The following MCMBP variants were observed in gnomAD, a reference collection of about 807,000 sequenced individuals.
The protein encoded by MCMBP is mini-chromosome maintenance complex-binding protein.
Under a neutral mutation model 81.3 loss-of-function variants are expected in MCMBP, and 31 were observed. That is an observed-to-expected ratio of 0.38 (90% CI 0.29 to 0.51). MCMBP has a LOEUF of 0.51. Ranked by LOEUF, MCMBP falls within the 20% of genes least tolerant of loss-of-function variation. MCMBP has a pLI of 0.87. For synonymous variants in MCMBP, 267 were observed against 275.9 expected (o/e 0.97, Z 0.32); for missense variants, 645 against 772.1 (o/e 0.84, Z 1.95).
At position 119,849,799 on chromosome 10, in the gene MCMBP, T is replaced by C. The variant is rs184632172; in HGVS notation, c.575-223A>G. ...AAGATCTAAAAATTTTACTTTTTTT[T>C]CCCTTACTGTAAGATATCAACAAAT... On this transcript the variant is annotated intron_variant, in intron 6 of 15. Coordinates refer to ENST00000369077, the MANE Select transcript of MCMBP (RefSeq NM_001256378.2). 2.0e-3 allele frequency among the ~76,000 whole-genome samples: 305 copies of C among 152,338 alleles called. 1 individual carries two copies. The highest frequency in any genetic ancestry group is 3.7e-3 in the Non-Finnish European group (250 of 68,020).
intron 6 of MCMBP, among the ~76,000 whole-genome samples, chr10:119,851,768 A>C (rs1852832497): frequency 6.6e-6 from 1 of 152,218 alleles, no homozygotes; most frequent in African/African-American, 2.4e-5. Flanking sequence ...ATATCTTAGC[A>C]TTAAGAAAAT....
Position 119,840,731 on chromosome 10 carries a change from TAA to T in MCMBP, c.1242+110_1242+111del, listed in dbSNP as rs1453230976. On this transcript the variant is annotated intron_variant, in intron 11 of 15. Coordinates refer to ENST00000369077, the MANE Select transcript of MCMBP (RefSeq NM_001256378.2). ...TAATTTGGCAGGCTTTGTTTCCCCT[TAA>T]ATAAGATCTATTAAAATCTCTAAGT... 1.4e-5 allele frequency: 8 copies of T among 582,870 alleles called. No individual in the cohort carries two copies. In the East Asian group the frequency reaches 2.6e-4, roughly 19 times the overall value. The allele number at this position is 582,870 out of a possible 1,614,324, so 36.1% of individuals were successfully genotyped here. A position where few individuals can be genotyped will look rare whatever the true frequency, so the allele number is the denominator to read the frequency against.
At chr10:119,846,326 G>A (rs1162912271) in intron 8 of MCMBP, among the ~76,000 whole-genome samples, 2 of 152,056 alleles carry the variant, frequency 1.3e-5, no homozygotes, top group Admixed American at 6.5e-5. Context: ...CTAAATATAA[G>A]TAAATACATT....
chr10:119,865,731 G>C (rs1037808548), intron 1 of MCMBP, among the ~76,000 whole-genome samples: 1 of 152,004 alleles, frequency 6.6e-6, no homozygotes, highest in African/African-American at 2.4e-5. Context: ...CAAATATATG[G>C]ATAAACAAAA....
At chr10:119,837,898 G>A (rs1030017252) in intron 12 of MCMBP, among the ~76,000 whole-genome samples, 6 of 152,262 alleles carry the variant, frequency 3.9e-5, no homozygotes, top group Admixed American at 1.3e-4. Context: ...TGGGGCAGGT[G>A]CAGTGGCTCA....
rs750695632 is a variant in MCMBP at position 119,849,588 on chromosome 10, G to T, written c.575-12C>A. ...ACCACCAACACTCCCTAAATTCAAA[G>T]GATAGCATTGCACTTAGTCATTTCT... On this transcript the variant is annotated splice_polypyrimidine_tract_variant and intron_variant, in intron 6 of 15. Transcript: ENST00000369077. 2 of 1,564,006 alleles carry T rather than the reference G, an allele frequency of 1.3e-6. No homozygotes were observed. Among genetic ancestry groups the T allele is most frequent in the South Asian group, 1.2e-5 (1 of 82,228 alleles).
At chr10:119,842,896 G>A (rs1345948507) in intron 9 of MCMBP, 9 of 372,690 alleles carry the variant, frequency 2.4e-5, no homozygotes, top group African/African-American at 1.5e-4. Context: ...TGGGATTACA[G>A]GCACACGCCA....
intron 4 of MCMBP, 52 bp downstream of exon 4, chr10:119,858,831 GT>G: frequency 7.5e-7 from 1 of 1,329,002 alleles, no homozygotes; most frequent in African/African-American, 1.5e-5. Context: ...CAAATTCTCT[GT>G]TTAGGAAAAA....
At chr10:119,850,917 C>A (rs1029306148) in intron 6 of MCMBP, among the ~76,000 whole-genome samples, 16 of 147,162 alleles carry the variant, frequency 1.1e-4, no homozygotes, top group Admixed American at 4.7e-4. Flanking sequence ...CCCTGTCACC[C>A]AGGCTGGAGC....
rs775854229 is a variant in MCMBP, at chr10:119,859,841, C to T, written c.102G>A (p.Glu34=). 3 of 1,613,294 alleles carry T rather than the reference C, an allele frequency of 1.9e-6. No individual in the cohort carries two copies. The highest frequency in any genetic ancestry group is 2.2e-5 in the South Asian group (2 of 91,030). The change falls in exon 2 of 16, where the codon GAG becomes GAA. Residue 34 remains glutamate, a synonymous_variant. Transcript: ENST00000369077. ...TTTCCTTCAGCTTTTCCTTAAAATA[C>T]TCAATTACTTTCTTCTCCCAGTCAG... ...VNPDWEKKVI[E]YFKEKLKENN... is the part of the protein sequence containing the mutation.
intron 6 of MCMBP, among the ~76,000 whole-genome samples, chr10:119,850,747 T>TA (rs367627623): frequency 0.92 from 108,856 of 118,072 alleles, 50,294 homozygotes; most frequent in Admixed American, 0.95. Flanking sequence ...AGACTCCGTC[T>TA]AAAAAAAAAA....
intron 8 of MCMBP, among the ~76,000 whole-genome samples, chr10:119,846,878 G>C (rs979837826): frequency 1.3e-5 from 2 of 150,554 alleles, no homozygotes; most frequent in African/African-American, 4.9e-5. Context: ...CCAGCCTCCA[G>C]AACTACTGGA....
chr10:119,837,708 C>T (rs545206434), intron 12 of MCMBP, among the ~76,000 whole-genome samples: 32 of 152,054 alleles, frequency 2.1e-4, no homozygotes, highest in African/African-American at 4.3e-4. Context: ...GGTGTGAACC[C>T]GGGAGTTGGA....
intron 1 of MCMBP, among the ~76,000 whole-genome samples, chr10:119,866,537 A>T (rs1853462339): frequency 6.6e-6 from 1 of 152,084 alleles, no homozygotes; most frequent in African/African-American, 2.4e-5. Context: ...GAGGCAAGAG[A>T]ATCGCTTGAA....
intron 2 of MCMBP, among the ~76,000 whole-genome samples, 192 bp downstream of exon 2, chr10:119,859,607 G>T (rs913945342): frequency 3.3e-5 from 5 of 151,964 alleles, no homozygotes; most frequent in Non-Finnish European, 4.4e-5. Flanking sequence ...CCACCTAGAG[G>T]CATAATGTAT....
Position 119,835,666 on chromosome 10 carries a change from T to A in MCMBP, c.1581A>T (p.Pro527=), listed in dbSNP as rs140316472. 2 of 1,613,990 alleles carry A rather than the reference T, an allele frequency of 1.2e-6. No individual in the cohort carries two copies. The highest frequency in any genetic ancestry group is 2.7e-5 in the African/African-American group (2 of 74,902). The change falls in exon 14 of 16, where the codon CCA becomes CCT. Residue 527 remains proline (P), a synonymous_variant. Coordinates refer to ENST00000369077, the MANE Select transcript of MCMBP (RefSeq NM_001256378.2). The part of the protein sequence containing the change: ...CQIHLQPQLI[P]PNMEEYMNSL... ...TGTTCATGTACTCCTCCATGTTTGG[T>A]GGAATTAGCTGGGGCTGTAAGTGAA...
rs560403541 is a variant in MCMBP, at chr10:119,835,671, T to A, written c.1576A>T (p.Ile526Phe). Residue 526 changes from isoleucine to phenylalanine, a missense_variant, in exon 14 of 16, where the codon ATT becomes TTT. Ile to Phe is a conservative substitution (Grantham distance 21). Coordinates refer to ENST00000369077, the MANE Select transcript of MCMBP (RefSeq NM_001256378.2). ...DCQIHLQPQL[I>F]PPNMEEYMNS... is the part of the protein sequence containing the mutation. ...ATGTACTCCTCCATGTTTGGTGGAA[T>A]TAGCTGGGGCTGTAAGTGAATCTGG... 6.2e-6 allele frequency: 10 copies of A among 1,614,124 alleles called. No individual in the cohort carries two copies. Among genetic ancestry groups the A allele is most frequent in the Non-Finnish European group, 8.5e-6 (10 of 1,180,044 alleles).
intron 7 of MCMBP, among the ~76,000 whole-genome samples, chr10:119,848,355 G>A (rs1852690647): frequency 6.6e-6 from 1 of 151,986 alleles, no homozygotes; most frequent in Admixed American, 6.6e-5. Context: ...CTCACCCCTG[G>A]AATCCCAGAA....
intron 5 of MCMBP, among the ~76,000 whole-genome samples, chr10:119,856,136 C>T (rs1853031647): frequency 6.8e-6 from 1 of 146,310 alleles, no homozygotes; most frequent in African/African-American, 2.4e-5. Context: ...GCAGGAGAAT[C>T]ACTTGAACCC....
Sources: gnomAD v4.1 joint callset for allele counts (sites outside exome capture counted in the v4.1 genomes callset) on GRCh38, gnomAD v4.1.1 for gene constraint, MANE v1.5 for transcripts, NCBI Gene and HGNC (gene_info 2026-07-23, HGNC 2026-07-21) for gene names.